COLGALT1: variants seen among roughly 807,000 people sequenced by gnomAD.
The protein encoded by COLGALT1 is collagen beta(1-O)galactosyltransferase 1.
In COLGALT1, 43 loss-of-function variants were observed where a neutral mutation model predicts 60.8. The observed-to-expected ratio is 0.71, with a 90% CI of 0.55 to 0.91. The LOEUF is 0.91. COLGALT1 is among the 40% of genes least tolerant of loss of function. COLGALT1 has a pLI of 0.00. For missense variants in COLGALT1, 845 were observed against 880.0 expected (o/e 0.96, Z 0.50); for synonymous variants, 369 against 374.2 (o/e 0.99, Z 0.16).
Position 17,582,544 on chromosome 19 carries a change from C to T in COLGALT1, c.*1100C>T, listed in dbSNP as rs1390227689. ...CAGTTGTTCAGTCTGCATTTTCGAT[C>T]ATGGGCTACATGCCGAGTGCTGGGG... On this transcript the variant is annotated 3_prime_UTR_variant, in exon 12 of 12. Coordinates refer to ENST00000252599, the MANE Select transcript of COLGALT1 (RefSeq NM_024656.4). 6.6e-6 allele frequency: 1 copy of T among 152,220 alleles called. No homozygotes were observed. Among genetic ancestry groups the T allele is most frequent in the Non-Finnish European group, 1.5e-5 (1 of 68,048 alleles). 9.4% of individuals were successfully genotyped at this position (152,220 alleles called of 1,614,324 possible).
chr19:17,576,466 G>A (rs1388965627), intron 6 of COLGALT1, among the ~76,000 whole-genome samples: 2 of 151,956 alleles, frequency 1.3e-5, no homozygotes, highest in Non-Finnish European at 2.9e-5. Flanking sequence ...CATAGAGGTG[G>A]GGCTGGGGGG....
chr19:17,568,516 AC>A lies in COLGALT1; in HGVS notation c.633del (p.Tyr211Ter). The A allele has an allele frequency of 6.2e-7, 1 of 1,613,944 alleles. No homozygotes were observed. Among genetic ancestry groups the A allele is most frequent in the Non-Finnish European group, 8.5e-7 (1 of 1,179,926 alleles). Reference protein sequence around the residue: ...FWCGMTSQGYYKRTPAYIPIR... With the variant: ...FWCGMTSQGYXKRTPAYIPIR... ...CTCGCTCTCTCCCCACAGGGCTACT[AC>A]AAGCGCACACCTGCCTACATCCCTA... is the stretch of plus-strand genomic sequence containing the variant. On this transcript the variant is annotated frameshift_variant, in exon 5 of 12. Transcript: ENST00000252599. LOFTEE classifies it high-confidence loss of function.
At chr19:17,556,988 T>C (rs914345958) in intron 1 of COLGALT1, among the ~76,000 whole-genome samples, 12 of 152,196 alleles carry the variant, frequency 7.9e-5, no homozygotes, top group African/African-American at 2.4e-4. Flanking sequence ...GATTATCCAG[T>C]TAATGGATGT....
rs2076347512 is a variant in COLGALT1, at chr19:17,577,077, G to A, written c.950-118G>A. 6.1e-5 allele frequency: 59 copies of A among 973,714 alleles called. 1 individual carries two copies. The South Asian group carries it at 8.5e-4, about 14-fold the overall frequency. 60.3% of individuals were successfully genotyped at this position (973,714 alleles called of 1,614,324 possible). The stretch of plus-strand genomic sequence containing the variant: ...GCAGCGCTGATGTGGGCGGAGCCAG[G>A]TCGACTTTGTGGGCCGAGCCAGTCT... On this transcript the variant is annotated intron_variant, in intron 6 of 11. Coordinates refer to ENST00000252599, the MANE Select transcript of COLGALT1 (RefSeq NM_024656.4).
chr19:17,580,512 A>T, intron 10 of COLGALT1, 187 bp from the exon 11 acceptor site: 1 of 615,356 alleles, frequency 1.6e-6, no homozygotes, highest in Non-Finnish European at 2.8e-6. Context: ...GGAAAAACTC[A>T]CTCTTCTCCC....
chr19:17,564,351 A>G (rs895083536), intron 3 of COLGALT1, among the ~76,000 whole-genome samples: 2 of 151,244 alleles, frequency 1.3e-5, no homozygotes, highest in African/African-American at 4.9e-5. Context: ...GTATATAAAC[A>G]TATATACGTG....
At chr19:17,564,350 CAT>C (rs1453278334) in intron 3 of COLGALT1, among the ~76,000 whole-genome samples, 6 of 146,800 alleles carry the variant, frequency 4.1e-5, no homozygotes, top group East Asian at 2.0e-4. Context: ...TGTATATAAA[CAT>C]ATATACGTGT....
At chr19:17,579,352 A>G (rs2076364188) in intron 9 of COLGALT1, 130 bp from the exon 10 acceptor site, 1 of 1,238,202 alleles carries the variant, frequency 8.1e-7, no homozygotes, top group Non-Finnish European at 1.1e-6. Context: ...ATGTCCCTGG[A>G]GCTAGGAGAG....
chr19:17,580,455 C>T, intron 10 of COLGALT1: 1 of 568,262 alleles, frequency 1.8e-6, no homozygotes, highest in Non-Finnish European at 3.2e-6. Context: ...TCTGCGTGAT[C>T]CTGCTCTCCC....
At chr19:17,557,488 G>A (rs2076219885) in intron 1 of COLGALT1, among the ~76,000 whole-genome samples, 1 of 152,082 alleles carries the variant, frequency 6.6e-6, no homozygotes, top group South Asian at 2.1e-4. Context: ...TTTTAATAGA[G>A]TCAGGGTTTC....
chr19:17,561,248 TA>T (rs2076247485), intron 3 of COLGALT1, among the ~76,000 whole-genome samples: 1 of 151,678 alleles, frequency 6.6e-6, no homozygotes, highest in Non-Finnish European at 1.5e-5. Context: ...AAATAACAAA[TA>T]AAAAATATTT....
At chr19:17,578,221 C>T (rs921059599) in intron 9 of COLGALT1, 132 bp downstream of exon 9, 3 of 966,218 alleles carry the variant, frequency 3.1e-6, no homozygotes, top group Non-Finnish European at 4.3e-6. Flanking sequence ...GACCCATGGC[C>T]TCTCTTTAGT....
Position 17,579,591 on chromosome 19 carries a change from G to A in COLGALT1, c.1376G>A (p.Gly459Asp), listed in dbSNP as rs777777218. The A allele has an allele frequency of 9.3e-6, 15 of 1,613,088 alleles. No individual in the cohort carries two copies. Among genetic ancestry groups the A allele is most frequent in the Non-Finnish European group, 1.3e-5 (15 of 1,179,834 alleles). Residue 459 changes from glycine (G) to aspartate (D), a missense_variant, in exon 10 of 12, where the codon GGC (glycine) becomes GAC (aspartate). Coordinates refer to ENST00000252599, the MANE Select transcript of COLGALT1 (RefSeq NM_024656.4). Reference protein sequence around the residue: ...MNLMRDVEREGLDWDLIYVGR... With the variant: ...MNLMRDVEREDLDWDLIYVGR... The stretch of plus-strand genomic sequence containing the variant: ...CTCATGCGGGATGTGGAGCGGGAGG[G>A]CCTGGACTGGGACCTCATGTGAGTG...
intron 3 of COLGALT1, among the ~76,000 whole-genome samples, chr19:17,564,224 G>A (rs1226804436): frequency 6.6e-6 from 1 of 151,764 alleles, no homozygotes; most frequent in African/African-American, 2.4e-5. Context: ...CTCCAGCTTG[G>A]GTGACAGAGC....
In COLGALT1 at chr19:17,579,514, G is replaced by A. The variant is rs769621751; in HGVS notation, c.1299G>A (p.Val433=). ...ACCGGGGGCTGCAGAAATCGCTTGT[G>A]TTTGAGGATGACCTGCGTTTTGAGA... ...VVDRGLQKSL[V]FEDDLRFEIF... is the part of the protein sequence containing the mutation. Residue 433 remains valine (V), a synonymous_variant, in exon 10 of 12, where the codon GTG becomes GTA. Coordinates refer to ENST00000252599, the MANE Select transcript of COLGALT1 (RefSeq NM_024656.4). The A allele has an allele frequency of 1.2e-6, 2 of 1,614,166 alleles. No homozygotes were observed. Among genetic ancestry groups the A allele is most frequent in the Non-Finnish European group, 1.7e-6 (2 of 1,180,012 alleles).
chr19:17,578,666 A>G (rs1178963723), intron 9 of COLGALT1, among the ~76,000 whole-genome samples: 1 of 152,208 alleles, frequency 6.6e-6, no homozygotes, highest in Non-Finnish European at 1.5e-5. Flanking sequence ...GTCAGCCAAG[A>G]TCGTGCCACT....
Position 17,577,348 on chromosome 19 carries a change from C to G in COLGALT1, c.1027-13C>G. ...GCAGGGGCTGATCTGGCTGGGGACT[C>G]TCCGGGCTGCAGGTCTTCATGATCA... is the stretch of plus-strand genomic sequence containing the variant. On this transcript the variant is annotated splice_polypyrimidine_tract_variant and intron_variant, in intron 7 of 11. Coordinates refer to ENST00000252599, the MANE Select transcript of COLGALT1 (RefSeq NM_024656.4). The G allele has an allele frequency of 6.2e-7, 1 of 1,604,110 alleles. No individual in the cohort carries two copies. Among genetic ancestry groups the G allele is most frequent in the Non-Finnish European group, 8.5e-7 (1 of 1,176,482 alleles).
At position 17,578,078 on chromosome 19, in the gene COLGALT1, A is replaced by G. The variant is rs1233092961; in HGVS notation, c.1255A>G (p.Ile419Val). 2 of 1,607,712 alleles carry G rather than the reference A, an allele frequency of 1.2e-6. No homozygotes were observed. The highest frequency in any genetic ancestry group is 3.3e-5 in the Admixed American group (2 of 59,862). Reference protein sequence around the residue: ...ELGCFLSHYNIWKEVVDRGLQ... With the variant: ...ELGCFLSHYNVWKEVVDRGLQ... ...GGGCTGCTTCCTGAGCCACTACAAC[A>G]TCTGGAAGGAGGTGTGTCCTGAGTG... The change falls in exon 9 of 12, where the codon ATC becomes GTC. Residue 419 changes from isoleucine to valine, a missense_variant. Physicochemically the swap from Ile to Val is conservative, Grantham distance 29 (BLOSUM62 3). Coordinates refer to ENST00000252599, the MANE Select transcript of COLGALT1 (RefSeq NM_024656.4).
intron 4 of COLGALT1, among the ~76,000 whole-genome samples, chr19:17,567,785 A>G (rs2076288371): frequency 6.6e-6 from 1 of 151,862 alleles, no homozygotes; most frequent in Non-Finnish European, 1.5e-5. Context: ...CTAAAAAAAA[A>G]AAAAATTACA....
Sources: allele counts gnomAD v4.1 joint callset (sites outside exome capture counted in the v4.1 genomes callset), GRCh38; gene constraint gnomAD v4.1.1; transcripts MANE v1.5; gene names NCBI Gene and HGNC (gene_info 2026-07-23, HGNC 2026-07-21).